ITPA: variants seen among roughly 807,000 people sequenced by gnomAD.
ITPA encodes inosine triphosphate pyrophosphatase.
In ITPA, 29 loss-of-function variants were observed where a neutral mutation model predicts 29.6. That is an observed-to-expected ratio of 0.98 (90% CI 0.73 to 1.34). The LOEUF (loss-of-function observed/expected upper bound fraction) is 1.34, where lower values mean the gene tolerates loss of function less well. Among genes scored for constraint, ITPA ranks in the 40% most tolerant of loss-of-function variants. The pLI is 0.00. For missense variants in ITPA, 241 were observed against 251.5 expected (o/e 0.96, Z 0.28); for synonymous variants, 103 against 99.3 (o/e 1.04, Z -0.22).
upstream of ITPA, among the ~76,000 whole-genome samples, chr20:3,208,485 C>T (rs948984145): frequency 4.6e-5 from 7 of 152,190 alleles, no homozygotes; most frequent in Non-Finnish European, 7.4e-5. Flanking sequence ...AGGCGATTCT[C>T]CTGAATCCTG....
chr20:3,219,476 G>T (rs2067404325), intron 6 of ITPA, among the ~76,000 whole-genome samples: 1 of 152,038 alleles, frequency 6.6e-6, no homozygotes, highest in South Asian at 2.1e-4. Flanking sequence ...CGGGCGTGAT[G>T]GCTCACATCT....
At chr20:3,220,483 C>T (rs925852715) in intron 6 of ITPA, among the ~76,000 whole-genome samples, 16 of 152,168 alleles carry the variant, frequency 1.1e-4, no homozygotes, top group African/African-American at 3.9e-4. Context: ...GCCTTTGGGT[C>T]TAAATTACTT....
At chr20:3,209,097 C>A, upstream of ITPA, 1 of 261,570 alleles carries the variant, frequency 3.8e-6, no homozygotes, top group Non-Finnish European at 7.6e-6. This position sits in a 1 kb window ranked among gnomAD's most constrained non-coding sequence, Gnocchi z 4.6. Context: ...TGGATCATAG[C>A]TGGCGGGTAA....
intron 6 of ITPA, among the ~76,000 whole-genome samples, chr20:3,220,109 T>C (rs1291384014): frequency 6.6e-6 from 1 of 150,856 alleles, no homozygotes; most frequent in Non-Finnish European, 1.5e-5. Context: ...TGAGATGTAT[T>C]CAACACCCCC....
At chr20:3,225,184 C>A (rs1437683133), downstream of ITPA, among the ~76,000 whole-genome samples, 2 of 152,134 alleles carry the variant, frequency 1.3e-5, no homozygotes, top group Non-Finnish European at 2.9e-5. Flanking sequence ...GCCTGGGCAA[C>A]AGTGTGAGAC....
chr20:3,209,185 G>C (rs531683963), upstream of ITPA, among the ~76,000 whole-genome samples: 13 of 150,986 alleles, frequency 8.6e-5, no homozygotes, highest in Admixed American at 2.6e-4. This position sits in a 1 kb window ranked among gnomAD's most constrained non-coding sequence, Gnocchi z 4.6. Flanking sequence ...GCATAGGAGA[G>C]CGCAAACCTC....
At chr20:3,219,612 G>A (rs1360832395) in intron 6 of ITPA, among the ~76,000 whole-genome samples, 1 of 151,932 alleles carries the variant, frequency 6.6e-6, no homozygotes, top group Non-Finnish European at 1.5e-5. Flanking sequence ...GGGCATGGTG[G>A]CAGGCACCTG....
At chr20:3,210,422 G>A (rs6051646) in intron 1 of ITPA, among the ~76,000 whole-genome samples, 13,766 of 152,224 alleles carry the variant, frequency 0.09, 739 homozygotes, top group East Asian at 0.18. Context: ...GACTGGCTTT[G>A]CTTGAATCAA....
chr20:3,206,086 AAAAG>A (rs1279162114), upstream of ITPA, among the ~76,000 whole-genome samples: 1 of 149,066 alleles, frequency 6.7e-6, no homozygotes, highest in Non-Finnish European at 1.5e-5. Flanking sequence ...GAAAGAAAGA[AAAAG>A]AAAAAGAAAA....
At chr20:3,220,172 C>CTGAGTAA (rs2067426796) in intron 6 of ITPA, among the ~76,000 whole-genome samples, 1 of 152,218 alleles carries the variant, frequency 6.6e-6, no homozygotes, top group African/African-American at 2.4e-5. Flanking sequence ...CAGGTGATCT[C>CTGAGTAA]CCACCCTGGA....
rs1310697235 is a variant in ITPA at position 3,209,717 on chromosome 20, G to C, written c.66+100G>C. 1 of 981,360 alleles carries C rather than the reference G, an allele frequency of 1.0e-6. No individual in the cohort carries two copies. The highest frequency in any genetic ancestry group is 1.6e-6 in the Non-Finnish European group (1 of 631,732). The allele number at this position is 981,360 out of a possible 1,614,324, so 60.8% of individuals were successfully genotyped here. A position where few individuals can be genotyped will look rare whatever the true frequency, so the allele number is the denominator to read the frequency against. On this transcript the variant is annotated intron_variant, in intron 1 of 7. Coordinates refer to ENST00000380113, the MANE Select transcript of ITPA (RefSeq NM_033453.4). This position sits in a 1 kb window ranked among gnomAD's most constrained non-coding sequence, Gnocchi z 4.6. ...AAGCACGTGGGAGGAGGCATGGAGAGAGAACAGAATTCAGCCCGGAAGAAT... is the reference window on the plus strand; with the variant it reads ...AAGCACGTGGGAGGAGGCATGGAGACAGAACAGAATTCAGCCCGGAAGAAT...
At chr20:3,213,484 T>G (rs2067220679) in intron 3 of ITPA, 101 bp downstream of exon 3, 2 of 1,441,192 alleles carry the variant, frequency 1.4e-6, no homozygotes, top group Non-Finnish European at 1.9e-6. Context: ...TTTGTTGAGC[T>G]TTCTAGGACC....
chr20:3,217,838 A>G (rs776332166), intron 5 of ITPA, among the ~76,000 whole-genome samples: 35 of 152,180 alleles, frequency 2.3e-4, no homozygotes, highest in Non-Finnish European at 4.7e-4. Context: ...TTAAAATACT[A>G]CATAATCATT....
chr20:3,204,426 GT>G, upstream of ITPA: 1 of 1,148,194 alleles, frequency 8.7e-7, no homozygotes. Flanking sequence ...ACGCGCATGC[GT>G]CCCGCCCGCC....
At chr20:3,215,383 C>T in intron 5 of ITPA, 71 bp downstream of exon 5, 1 of 1,416,294 alleles carries the variant, frequency 7.1e-7, no homozygotes, top group South Asian at 1.2e-5. Flanking sequence ...GGGGAGGGAC[C>T]CCAACTAGTA....
At chr20:3,217,032 C>G (rs978149553) in intron 5 of ITPA, among the ~76,000 whole-genome samples, 3 of 152,064 alleles carry the variant, frequency 2.0e-5, no homozygotes, top group African/African-American at 4.8e-5. Flanking sequence ...AGGTGCCCAC[C>G]ACCACGCCTA....
At chr20:3,220,203 G>A (rs957551631) in intron 6 of ITPA, among the ~76,000 whole-genome samples, 7 of 151,800 alleles carry the variant, frequency 4.6e-5, no homozygotes, top group African/African-American at 1.5e-4. Flanking sequence ...GACTACAGGC[G>A]TGCACCACCA....
At chr20:3,214,705 G>A (rs763514020) in intron 4 of ITPA, among the ~76,000 whole-genome samples, 11 of 151,120 alleles carry the variant, frequency 7.3e-5, no homozygotes, top group African/African-American at 2.7e-4. Flanking sequence ...TCAGCCTCCC[G>A]AGTAGCTGGG....
chr20:3,213,710 A>T (rs2067225668), intron 3 of ITPA, among the ~76,000 whole-genome samples: 1 of 152,196 alleles, frequency 6.6e-6, no homozygotes, highest in Admixed American at 6.5e-5. Flanking sequence ...GGAACTGAGA[A>T]AGCACGCTGC....
Sources: gnomAD v4.1 joint callset for allele counts (sites outside exome capture counted in the v4.1 genomes callset) on GRCh38, gnomAD v4.1.1 for gene constraint, Gnocchi (gnomAD v3.1) non-coding constraint, MANE v1.5 for transcripts, NCBI Gene and HGNC (gene_info 2026-07-23, HGNC 2026-07-21) for gene names.